The following PRKN variants were observed in gnomAD, a reference collection of about 807,000 sequenced individuals.
PRKN encodes parkin RBR E3 ubiquitin protein ligase, also known as E3 ubiquitin-protein ligase parkin.
A neutral mutation model predicts 59.5 loss-of-function variants in PRKN; 56 were observed. That is an observed-to-expected ratio of 0.94 (90% CI 0.76 to 1.18). The LOEUF (loss-of-function observed/expected upper bound fraction) is 1.18, where lower values mean the gene tolerates loss of function less well. Among genes scored for constraint, PRKN ranks in the 50% most tolerant of loss-of-function variants. The pLI, the probability that PRKN is intolerant of heterozygous loss-of-function variation, is 0.00. For missense variants in PRKN, 657 were observed against 596.4 expected (o/e 1.10, Z -1.06); for synonymous variants, 250 against 222.1 (o/e 1.13, Z -1.12).
rs1448091880 is a variant in PRKN, at chr6:161,498,854, C to T, written c.1083+50000G>A. On this transcript the variant is annotated intron_variant, in intron 9 of 11. Transcript: ENST00000366898. This position sits in a 1 kb window ranked among gnomAD's most constrained non-coding sequence, Gnocchi z 4.2. ...ATTCTAGCGGCTACATTCTATTTTT[C>T]AAGTGAAATATGCTTTGGAACACCT... Among the ~76,000 whole-genome samples, 1 of 152,148 alleles carries T rather than the reference C, an allele frequency of 6.6e-6. No homozygotes were observed. Among genetic ancestry groups the T allele is most frequent in the East Asian group, 1.9e-4 (1 of 5,184 alleles).
At chr6:161,632,194 G>A (rs747491208) in intron 7 of PRKN, among the ~76,000 whole-genome samples, 11 of 152,022 alleles carry the variant, frequency 7.2e-5, no homozygotes, top group Non-Finnish European at 1.3e-4. Context: ...TTTCTTTTTA[G>A]TTTTAATGAT....
chr6:162,057,212 C>T (rs1426767436), intron 4 of PRKN, among the ~76,000 whole-genome samples: 1 of 152,206 alleles, frequency 6.6e-6, no homozygotes, highest in Non-Finnish European at 1.5e-5. Context: ...GCACATCCCA[C>T]TGTGTTCACG....
chr6:162,382,016 G>A (rs1017798371), intron 2 of PRKN, among the ~76,000 whole-genome samples: 1 of 152,122 alleles, frequency 6.6e-6, no homozygotes, highest in African/African-American at 2.4e-5. Context: ...GGGGTTATTG[G>A]TCAAAAATTT....
intron 1 of PRKN, among the ~76,000 whole-genome samples, chr6:162,490,707 G>T (rs778693231): frequency 6.6e-6 from 1 of 152,092 alleles, no homozygotes; most frequent in Non-Finnish European, 1.5e-5. Flanking sequence ...ATCACATTTC[G>T]TGAATGGACA....
chr6:161,803,431 G>A (rs899730700), intron 6 of PRKN, among the ~76,000 whole-genome samples: 1 of 152,206 alleles, frequency 6.6e-6, no homozygotes, highest in African/African-American at 2.4e-5. Flanking sequence ...TACGTGGCAT[G>A]TGCTTGTTTG....
intron 4 of PRKN, among the ~76,000 whole-genome samples, chr6:162,152,908 C>G (rs1782333527): frequency 6.6e-6 from 1 of 152,302 alleles, no homozygotes; most frequent in South Asian, 2.1e-4. Context: ...TTAAAATGCA[C>G]TGCTTTAATT....
intron 4 of PRKN, among the ~76,000 whole-genome samples, chr6:162,138,186 T>C (rs1476961673): frequency 6.6e-6 from 1 of 152,160 alleles, no homozygotes; most frequent in Non-Finnish European, 1.5e-5. Context: ...ATATTATTTT[T>C]CCGTACATGC....
At chr6:162,349,242 T>C (rs1784527015) in intron 2 of PRKN, among the ~76,000 whole-genome samples, 1 of 152,036 alleles carries the variant, frequency 6.6e-6, no homozygotes, top group Non-Finnish European at 1.5e-5. Context: ...CTGAGGTGGG[T>C]GGATCACTTG....
chr6:162,527,633 C>T (rs896716057), intron 1 of PRKN, among the ~76,000 whole-genome samples: 16 of 152,020 alleles, frequency 1.1e-4, no homozygotes, highest in African/African-American at 3.6e-4. Flanking sequence ...TAAAACTGAT[C>T]GAATAAAAAA....
chr6:162,139,354 A>T (rs1048482449), intron 4 of PRKN, among the ~76,000 whole-genome samples: 1 of 152,234 alleles, frequency 6.6e-6, no homozygotes, highest in Non-Finnish European at 1.5e-5. Context: ...ACAAAAATAT[A>T]AAGCCTTCCC....
intron 6 of PRKN, among the ~76,000 whole-genome samples, chr6:161,808,944 G>A (rs781654412): frequency 5.3e-5 from 8 of 152,062 alleles, no homozygotes; most frequent in South Asian, 2.1e-4. Flanking sequence ...GAGCTCAATC[G>A]ATCCTCCCAC....
chr6:162,583,225 G>A (rs1333894011), intron 1 of PRKN, among the ~76,000 whole-genome samples: 1 of 152,150 alleles, frequency 6.6e-6, no homozygotes, highest in East Asian at 1.9e-4. Flanking sequence ...AGAAGAGTGG[G>A]TCAATACATT....
intron 10 of PRKN, among the ~76,000 whole-genome samples, chr6:161,365,674 C>G (rs1031078062): frequency 2.0e-5 from 3 of 152,186 alleles, no homozygotes; most frequent in Non-Finnish European, 4.4e-5. Flanking sequence ...ATCCCCCGAG[C>G]ACACAAGGCA....
At chr6:162,398,408 G>A (rs1242065957) in intron 2 of PRKN, among the ~76,000 whole-genome samples, 1 of 133,718 alleles carries the variant, frequency 7.5e-6, no homozygotes, top group Non-Finnish European at 1.6e-5. Context: ...TTTTTTTTTT[G>A]AGACAGAGTT....
chr6:162,010,504 A>G (rs866125290), intron 5 of PRKN, among the ~76,000 whole-genome samples: 9 of 35,786 alleles, frequency 2.5e-4, no homozygotes, highest in Non-Finnish European at 2.5e-4. Flanking sequence ...ATTATATAAT[A>G]TATTATATTA....
At chr6:162,249,714 G>A (rs1053488744) in intron 3 of PRKN, among the ~76,000 whole-genome samples, 5 of 152,070 alleles carry the variant, frequency 3.3e-5, no homozygotes, top group African/African-American at 1.2e-4. Flanking sequence ...TATGGCTATA[G>A]ATTTGTAAAG....
At chr6:162,156,538 A>G (rs897136748) in intron 4 of PRKN, among the ~76,000 whole-genome samples, 1 of 152,158 alleles carries the variant, frequency 6.6e-6, no homozygotes, top group African/African-American at 2.4e-5. Context: ...CAAGGGCAGG[A>G]AGCATCCAGC....
chr6:162,603,247 C>T (rs1283545104), intron 1 of PRKN, among the ~76,000 whole-genome samples: 2 of 152,090 alleles, frequency 1.3e-5, no homozygotes, highest in Non-Finnish European at 2.9e-5. Flanking sequence ...CAACAGTCTG[C>T]GAATTCCTAC....
chr6:161,510,004 T>C (rs2115328842), intron 9 of PRKN, among the ~76,000 whole-genome samples: 1 of 152,172 alleles, frequency 6.6e-6, no homozygotes, highest in African/African-American at 2.4e-5. Context: ...GCAAGCAAGG[T>C]TTTGCCCATG....
Sources: gnomAD v4.1 joint callset for allele counts (sites outside exome capture counted in the v4.1 genomes callset) on GRCh38, gnomAD v4.1.1 for gene constraint, Gnocchi (gnomAD v3.1) non-coding constraint, MANE v1.5 for transcripts, NCBI Gene and HGNC (gene_info 2026-07-23, HGNC 2026-07-21) for gene names.